ENTREP2: variants seen among roughly 807,000 people sequenced by gnomAD.
The protein encoded by ENTREP2 is protein ENTREP2.
the ENTREP2 span, among the ~76,000 whole-genome samples, chr15:29,598,666 T>C: frequency 6.6e-6 from 1 of 151,706 alleles, no homozygotes; most frequent in African/African-American, 2.4e-5. Flanking sequence ...CATCCATTGT[T>C]GAAGTGACCT....
the ENTREP2 span, among the ~76,000 whole-genome samples, chr15:29,467,050 G>T: frequency 6.7e-6 from 1 of 149,544 alleles, no homozygotes; most frequent in Non-Finnish European, 1.5e-5. Context: ...TGGCCCCAGG[G>T]GAGGGCCCAG....
chr15:29,202,305 T>A, the ENTREP2 span, among the ~76,000 whole-genome samples: 3 of 152,174 alleles, frequency 2.0e-5, no homozygotes, highest in African/African-American at 7.2e-5. Context: ...CCTATTTGCT[T>A]TGGGTTGATT....
the ENTREP2 span, among the ~76,000 whole-genome samples, chr15:29,554,314 CAAA>C: frequency 2.9e-5 from 2 of 68,052 alleles, no homozygotes; most frequent in Admixed American, 1.9e-4. Flanking sequence ...GACTCCGTCT[CAAA>C]AAAAAAAAAA....
chr15:29,288,101 C>T, the ENTREP2 span, among the ~76,000 whole-genome samples: 1 of 152,036 alleles, frequency 6.6e-6, no homozygotes, highest in Non-Finnish European at 1.5e-5. Context: ...AACTGTAGTT[C>T]TAAATATAGG....
At chr15:29,405,629 C>T in the ENTREP2 span, among the ~76,000 whole-genome samples, 54,726 of 152,018 alleles carry the variant, frequency 0.36, 11,038 homozygotes, top group African/African-American at 0.54. Context: ...CACGGGGCTA[C>T]GGCACCAGCA....
chr15:29,180,059 C>A, the ENTREP2 span, among the ~76,000 whole-genome samples: 1 of 152,034 alleles, frequency 6.6e-6, no homozygotes, highest in Non-Finnish European at 1.5e-5. Context: ...ATGAGAATGA[C>A]CAGAGAGAAA....
the ENTREP2 span, among the ~76,000 whole-genome samples, chr15:29,475,172 TG>T: frequency 6.6e-6 from 1 of 152,144 alleles, no homozygotes; most frequent in East Asian, 1.9e-4. Flanking sequence ...ACAGCCTTTC[TG>T]GGCCCCCAGT....
the ENTREP2 span, among the ~76,000 whole-genome samples, chr15:29,395,138 T>C: frequency 7.9e-5 from 12 of 151,594 alleles, no homozygotes; most frequent in African/African-American, 2.9e-4. Context: ...TCCGCCCGCC[T>C]CGGCCTCCCA....
the ENTREP2 span, among the ~76,000 whole-genome samples, chr15:29,535,039 A>G: frequency 6.6e-6 from 1 of 151,354 alleles, no homozygotes; most frequent in East Asian, 2.0e-4. Flanking sequence ...TGAGATCAGG[A>G]GTTTGAGACA....
the ENTREP2 span, among the ~76,000 whole-genome samples, chr15:29,400,297 A>G: frequency 6.6e-6 from 1 of 152,224 alleles, no homozygotes; most frequent in Admixed American, 6.5e-5. Flanking sequence ...AATTCCATTT[A>G]TAATGGTAAG....
the ENTREP2 span, among the ~76,000 whole-genome samples, chr15:29,568,814 TTAAAC>T: frequency 0.032 from 4,909 of 152,232 alleles, 112 homozygotes; most frequent in Middle Eastern, 0.079. Context: ...ATTTAACTCT[TTAAAC>T]TAAAATGTAG....
the ENTREP2 span, among the ~76,000 whole-genome samples, chr15:29,620,616 C>A: frequency 6.6e-6 from 1 of 151,854 alleles, no homozygotes; most frequent in Non-Finnish European, 1.5e-5. Context: ...CCAGCCTGGG[C>A]GACAGAGTGA....
At chr15:29,257,554 T>C in the ENTREP2 span, among the ~76,000 whole-genome samples, 1 of 152,226 alleles carries the variant, frequency 6.6e-6, no homozygotes, top group Non-Finnish European at 1.5e-5. Context: ...CGGATAAATG[T>C]TTGTTTAATG....
chr15:29,345,602 C>G, the ENTREP2 span, among the ~76,000 whole-genome samples: 6 of 152,114 alleles, frequency 3.9e-5, no homozygotes, highest in Non-Finnish European at 7.4e-5. Flanking sequence ...GGGGACAGTT[C>G]TGGGACATTC....
chr15:29,375,950 C>T, the ENTREP2 span: 1 of 152,016 alleles, frequency 6.6e-6, no homozygotes, highest in Admixed American at 6.6e-5. Context: ...TAAAAATAAA[C>T]CACCATCTGA....
the ENTREP2 span, among the ~76,000 whole-genome samples, chr15:29,410,829 A>G: frequency 1.2e-4 from 18 of 152,344 alleles, no homozygotes; most frequent in East Asian, 2.3e-3. Context: ...TCTGTTGCCC[A>G]GGCTGGAGTG....
the ENTREP2 span, among the ~76,000 whole-genome samples, chr15:29,182,085 G>A: frequency 1.3e-5 from 2 of 151,612 alleles, no homozygotes; most frequent in Non-Finnish European, 2.9e-5. Flanking sequence ...ACAATCTACA[G>A]GCAAACTGTT....
At chr15:29,602,500 A>G in the ENTREP2 span, among the ~76,000 whole-genome samples, 1 of 152,142 alleles carries the variant, frequency 6.6e-6, no homozygotes, top group African/African-American at 2.4e-5. Flanking sequence ...CATATTCAAG[A>G]TGAAAAAACT....
At chr15:29,668,925 G>A in the ENTREP2 span, among the ~76,000 whole-genome samples, 42 of 152,322 alleles carry the variant, frequency 2.8e-4, no homozygotes, top group Middle Eastern at 3.4e-3. Context: ...AGACTTTACC[G>A]CAGACCGTGG....
Sources: gnomAD v4.1 joint callset for allele counts (sites outside exome capture counted in the v4.1 genomes callset) on GRCh38, gnomAD v4.1.1 for gene constraint, MANE v1.5 for transcripts, NCBI Gene and HGNC (gene_info 2026-07-23, HGNC 2026-07-21) for gene names.